Variants in ARHGAP25 observed in about 807,000 individuals in gnomAD.
The protein encoded by ARHGAP25 is Rho GTPase activating protein 25, also known as rho GTPase-activating protein 25.
A neutral mutation model predicts 71.0 loss-of-function variants in ARHGAP25; 34 were observed. The observed-to-expected ratio is 0.48, with a 90% CI of 0.36 to 0.64. The LOEUF (loss-of-function observed/expected upper bound fraction) is 0.64. ARHGAP25 is among the 30% of genes least tolerant of loss of function. The pLI is 0.00. For synonymous variants in ARHGAP25, 282 were observed against 296.5 expected (o/e 0.95, Z 0.50); for missense variants, 706 against 805.1 (o/e 0.88, Z 1.49).
At chr2:68,750,322 CTT>C (rs367795010) in intron 1 of ARHGAP25, among the ~76,000 whole-genome samples, 112,576 of 139,360 alleles carry the variant, frequency 0.81, 45,464 homozygotes, top group Non-Finnish European at 0.83. Flanking sequence ...CATGAAGCCA[CTT>C]TTTTTTTTTT....
At chr2:68,726,569 G>A (rs971240217) in intron 2 of ARHGAP25, among the ~76,000 whole-genome samples, 17 of 152,170 alleles carry the variant, frequency 1.1e-4, no homozygotes, top group Admixed American at 5.9e-4. Context: ...AATAATGCCC[G>A]TCTTGGCCTT....
rs1678379870 is a variant in ARHGAP25 at position 68,782,085 on chromosome 2, G to A, written c.262-148G>A. 4.6e-6 allele frequency: 3 copies of A among 647,174 alleles called. No homozygotes were observed. In the South Asian group the frequency reaches 5.9e-5, roughly 13 times the overall value. The allele number at this position is 647,174 out of a possible 1,614,324, so 40.1% of individuals were successfully genotyped here. Reference sequence around the variant, plus strand: ...GCCCAAGGCCTGAGTAGCAGAAGGGGCCCCATTAAAACTGGGAGGCTAGCT... The same window carrying A: ...GCCCAAGGCCTGAGTAGCAGAAGGGACCCCATTAAAACTGGGAGGCTAGCT... On this transcript the variant is annotated intron_variant, in intron 2 of 10. Coordinates refer to ENST00000409202, the MANE Select transcript of ARHGAP25 (RefSeq NM_001007231.3).
intron 2 of ARHGAP25, among the ~76,000 whole-genome samples, chr2:68,715,241 A>C (rs1379686980): frequency 6.6e-6 from 1 of 152,184 alleles, no homozygotes; most frequent in African/African-American, 2.4e-5. Context: ...GTAGAAATGC[A>C]AATTCTTGGG....
chr2:68,792,704 C>T (rs572956374), intron 4 of ARHGAP25, among the ~76,000 whole-genome samples: 2 of 152,290 alleles, frequency 1.3e-5, no homozygotes, highest in Non-Finnish European at 2.9e-5. Flanking sequence ...GATTCCATAT[C>T]TTTGCCATTG....
At chr2:68,798,528 A>AAT (rs35579153) in intron 4 of ARHGAP25, among the ~76,000 whole-genome samples, 4 of 151,544 alleles carry the variant, frequency 2.6e-5, no homozygotes, top group African/African-American at 4.9e-5. Flanking sequence ...AAAAAAAAAA[A>AAT]GCCAAAGTCT....
intron 1 of ARHGAP25, among the ~76,000 whole-genome samples, chr2:68,757,360 C>T (rs1235875942): frequency 6.6e-6 from 1 of 152,100 alleles, no homozygotes; most frequent in Non-Finnish European, 1.5e-5. Context: ...CATCGAGATA[C>T]ACTATAATCA....
At chr2:68,722,264 A>G (rs1198124108) in intron 2 of ARHGAP25, among the ~76,000 whole-genome samples, 1 of 152,210 alleles carries the variant, frequency 6.6e-6, no homozygotes, top group Middle Eastern at 3.2e-3. Context: ...TCAACACTGG[A>G]AATTATTTTC....
chr2:68,780,029 G>A (rs1678208071), intron 2 of ARHGAP25, among the ~76,000 whole-genome samples: 1 of 152,224 alleles, frequency 6.6e-6, no homozygotes, highest in African/African-American at 2.4e-5. Flanking sequence ...ACTGACTGAT[G>A]CTGGAATCGT....
At chr2:68,807,161 C>T (rs1384019085) in intron 4 of ARHGAP25, 112 bp from the exon 5 acceptor site, 2 of 947,796 alleles carry the variant, frequency 2.1e-6, no homozygotes, top group African/African-American at 3.3e-5. Flanking sequence ...CATATTTTGT[C>T]TAGTATCATT....
chr2:68,778,488 T>C lies in ARHGAP25; in HGVS notation c.261+3068T>C, dbSNP rs1257506058. On this transcript the variant is annotated intron_variant, in intron 2 of 10. Coordinates refer to ENST00000409202, the MANE Select transcript of ARHGAP25 (RefSeq NM_001007231.3). The stretch of plus-strand genomic sequence containing the variant: ...TCTAATGTCTCTTTAAAAATATTTT[T>C]ATAATTGAAGTGTAATCATTGTAAA... Among the ~76,000 whole-genome samples the C allele has an allele frequency of 2.6e-5, 4 of 152,220 alleles. No individual in the cohort carries two copies. The East Asian group carries it at 7.7e-4, about 29-fold the overall frequency.
intron 2 of ARHGAP25, among the ~76,000 whole-genome samples, chr2:68,720,329 A>AGAAAG (rs981303976): frequency 6.7e-6 from 1 of 149,398 alleles, no homozygotes; most frequent in Admixed American, 6.6e-5. Flanking sequence ...AAAAAAAAAA[A>AGAAAG]AAAAGAAAAG....
chr2:68,727,120 A>G (rs1305034933), intron 2 of ARHGAP25, among the ~76,000 whole-genome samples: 2 of 152,222 alleles, frequency 1.3e-5, no homozygotes, highest in Non-Finnish European at 2.9e-5. Context: ...AGATACAGCC[A>G]TCCGGCCTAT....
intron 1 of ARHGAP25, among the ~76,000 whole-genome samples, chr2:68,750,302 C>G (rs1453720509): frequency 6.7e-6 from 1 of 149,690 alleles, no homozygotes; most frequent in Admixed American, 6.7e-5. Context: ...TGAGCCACTG[C>G]GCCCAGCCCC....
intron 1 of ARHGAP25, among the ~76,000 whole-genome samples, chr2:68,753,658 C>T (rs779942768): frequency 7.4e-4 from 113 of 152,280 alleles, no homozygotes; most frequent in Non-Finnish European, 1.5e-3. Flanking sequence ...GTAGATTTAG[C>T]TTGATGTTGC....
At chr2:68,785,092 TG>T (rs1156378872) in intron 3 of ARHGAP25, among the ~76,000 whole-genome samples, 2 of 152,058 alleles carry the variant, frequency 1.3e-5, no homozygotes, top group Admixed American at 6.6e-5. Flanking sequence ...GAGGCCAGTG[TG>T]GTTACAGTGA....
chr2:68,810,511 A>G (rs1680706540), intron 5 of ARHGAP25, among the ~76,000 whole-genome samples: 1 of 152,176 alleles, frequency 6.6e-6, no homozygotes, highest in Non-Finnish European at 1.5e-5. Context: ...AGCTTTCTGT[A>G]AGTTTCAGTG....
chr2:68,766,720 C>T (rs898810617), intron 1 of ARHGAP25, among the ~76,000 whole-genome samples: 2 of 151,974 alleles, frequency 1.3e-5, no homozygotes, highest in African/African-American at 4.8e-5. Flanking sequence ...CCCCTTCTCT[C>T]TCTCTCTCTC....
At chr2:68,819,872 G>T (rs1293769736) in intron 9 of ARHGAP25, 1 of 195,452 alleles carries the variant, frequency 5.1e-6, no homozygotes, top group African/African-American at 2.3e-5. Context: ...CTGAAATGTA[G>T]ACCTCGTGAG....
chr2:68,751,742 G>C (rs954808147), intron 1 of ARHGAP25, among the ~76,000 whole-genome samples: 7 of 152,248 alleles, frequency 4.6e-5, no homozygotes, highest in Non-Finnish European at 8.8e-5. Flanking sequence ...ATGTTTCCAA[G>C]TACAGAAAAT....
Sources: gnomAD v4.1 joint callset for allele counts (sites outside exome capture counted in the v4.1 genomes callset) on GRCh38, gnomAD v4.1.1 for gene constraint, MANE v1.5 for transcripts, NCBI Gene and HGNC (gene_info 2026-07-23, HGNC 2026-07-21) for gene names.